The following KLK13 variants were observed in gnomAD, a reference collection of about 807,000 sequenced individuals.
KLK13 encodes kallikrein-13.
Under a neutral mutation model 22.4 loss-of-function variants are expected in KLK13, and 19 were observed. The ratio of observed to expected loss-of-function variants is 0.85; its 90% confidence interval spans 0.59 to 1.24. The LOEUF is 1.24. Among genes scored for constraint, KLK13 ranks in the 50% most tolerant of loss-of-function variants. The probability of loss-of-function intolerance (pLI) is 0.00; values close to 1 mark genes in which losing one functional copy is unlikely to be tolerated. For missense variants in KLK13, 311 were observed against 347.9 expected (o/e 0.89, Z 0.84); for synonymous variants, 156 against 141.8 (o/e 1.10, Z -0.71).
chr19:51,056,521 A>G lies in KLK13; in HGVS notation c.*66T>C. 1 of 1,482,334 alleles carries G rather than the reference A, an allele frequency of 6.7e-7. No individual in the cohort carries two copies. The highest frequency in any genetic ancestry group is 9.3e-7 in the Non-Finnish European group (1 of 1,069,770). 91.8% of individuals were successfully genotyped at this position (1,482,334 alleles called of 1,614,324 possible). On this transcript the variant is annotated 3_prime_UTR_variant, in exon 5 of 5. Transcript: ENST00000595793. ...GGAACACTGGGAATAAGGAGCAGAGAAGGGCTAAGCAGACCATGTGAGGAA... is the reference window on the plus strand; with the variant it reads ...GGAACACTGGGAATAAGGAGCAGAGGAGGGCTAAGCAGACCATGTGAGGAA...
upstream of KLK13, chr19:51,065,098 GGGC>G: frequency 7.0e-7 from 1 of 1,424,080 alleles, no homozygotes. Context: ...AGGGCAGGGC[GGGC>G]GGGGCCTGAG....
rs146501590 is a variant in KLK13 at position 51,060,043 on chromosome 19, C to G, written c.290G>C (p.Gly97Ala). 1.3e-3 allele frequency: 2,102 copies of G among 1,613,806 alleles called. 27 individuals carry two copies. The African/African-American group carries it at 0.025, about 19-fold the overall frequency. ...GKHALGRVEA[G>A]EQVREVVHSI... ...GTGGACAACTTCCCTCACCTGCTCA[C>G]CAGCTTCCACACGCCCTAGGGCGTG... Residue 97 changes from glycine (G) to alanine (A), a missense_variant, in exon 3 of 5, where the codon GGT becomes GCT. Coordinates refer to ENST00000595793, the MANE Select transcript of KLK13 (RefSeq NM_015596.3).
intron 4 of KLK13, 105 bp downstream of exon 4, chr19:51,058,433 G>C: frequency 1.5e-6 from 2 of 1,342,882 alleles, no homozygotes; most frequent in South Asian, 2.6e-5. Context: ...ATCTTATAAA[G>C]ATTGGTTCCC....
At chr19:51,064,899 G>A in intron 1 of KLK13, 117 bp downstream of exon 1, 1 of 817,718 alleles carries the variant, frequency 1.2e-6, no homozygotes, top group Non-Finnish European at 1.9e-6. Context: ...CACTGGACCC[G>A]GCCCCGAGTG....
intron 4 of KLK13, among the ~76,000 whole-genome samples, chr19:51,057,485 A>G (rs2091686528): frequency 4.0e-5 from 6 of 151,850 alleles, no homozygotes; most frequent in Admixed American, 3.3e-4. Context: ...TTTTTGTTTT[A>G]GAGACAGGGC....
In KLK13 at chr19:51,059,838, G is replaced by C; in HGVS notation, c.495C>G (p.Thr165=). 1.2e-6 allele frequency: 2 copies of C among 1,602,290 alleles called. No homozygotes were observed. The highest frequency in any genetic ancestry group is 2.2e-5 in the South Asian group (2 of 89,258). ...GTGGGTGCATACCCTGGGGGCTGGT[G>C]GTGGTGCCCCAGCCAGACACCCGAC... The part of the protein sequence containing the change: ...TTCRVSGWGT[T]TSPQVNYPKT... Residue 165 remains threonine, a synonymous_variant, in exon 3 of 5, where the codon ACC becomes ACG. Coordinates refer to ENST00000595793, the MANE Select transcript of KLK13 (RefSeq NM_015596.3).
In KLK13 at chr19:51,064,998, A is replaced by T; in HGVS notation, c.52+18T>A. The T allele has an allele frequency of 7.4e-7, 1 of 1,350,950 alleles. No homozygotes were observed. Among genetic ancestry groups the T allele is most frequent in the Non-Finnish European group, 9.8e-7 (1 of 1,023,918 alleles). The allele number at this position is 1,350,950 out of a possible 1,614,324, so 83.7% of individuals were successfully genotyped here. A position where few individuals can be genotyped will look rare whatever the true frequency, so the allele number is the denominator to read the frequency against. On this transcript the variant is annotated intron_variant, in intron 1 of 4. Coordinates refer to ENST00000595793, the MANE Select transcript of KLK13 (RefSeq NM_015596.3). ...TGTCCCGAATGGCCGCCGCGCCTCC[A>T]CCCCCGCGCATTCTTACCTCCTGAC...
chr19:51,065,161 A>G, upstream of KLK13: 1 of 849,266 alleles, frequency 1.2e-6, no homozygotes, highest in Non-Finnish European at 1.8e-6. Context: ...CCGCGTCTGA[A>G]ACCTCTCTGC....
chr19:51,060,360 A>G lies in KLK13; in HGVS notation c.239+73T>C. ...ACCCTAACTCCAACTCCATCCTCAA[A>G]TCCAACTCTACCCCATCCACAATCC... On this transcript the variant is annotated intron_variant, in intron 2 of 4. Transcript: ENST00000595793. 2.1e-6 allele frequency: 3 copies of G among 1,459,024 alleles called. No homozygotes were observed. The East Asian group carries it at 6.9e-5, about 34-fold the overall frequency. 90.4% of individuals were successfully genotyped at this position (1,459,024 alleles called of 1,614,324 possible). A position where few individuals can be genotyped will look rare whatever the true frequency, so the allele number is the denominator to read the frequency against.
In KLK13 at chr19:51,059,933, C is replaced by T; in HGVS notation, c.400G>A (p.Val134Ile). 1 of 1,611,590 alleles carries T rather than the reference C, an allele frequency of 6.2e-7. No homozygotes were observed. Among genetic ancestry groups the T allele is most frequent in the Non-Finnish European group, 8.5e-7 (1 of 1,178,734 alleles). ...GTTTGGATGTAGCCTGTGAGCTGGACCGGGGACTGCAGCTCCAGAAGCATG... is the reference window on the plus strand; with the variant it reads ...GTTTGGATGTAGCCTGTGAGCTGGATCGGGGACTGCAGCTCCAGAAGCATG... ...DIMLLELQSP[V>I]QLTGYIQTLP... Residue 134 changes from valine (V) to isoleucine (I), a missense_variant, in exon 3 of 5, where the codon GTC becomes ATC. Val to Ile is a conservative substitution (Grantham distance 29, BLOSUM62 3). Coordinates refer to ENST00000595793, the MANE Select transcript of KLK13 (RefSeq NM_015596.3).
At chr19:51,059,795 G>C (rs1230003747) in intron 3 of KLK13, 30 bp downstream of exon 3, 1 of 1,541,620 alleles carries the variant, frequency 6.5e-7, no homozygotes, top group Admixed American at 2.0e-5. Context: ...CACTCCTATG[G>C]GGCCTCAGGC....
At chr19:51,058,729 GA>G in intron 3 of KLK13, 55 bp from the exon 4 acceptor site, 3 of 1,584,244 alleles carry the variant, frequency 1.9e-6, no homozygotes, top group East Asian at 4.5e-5. Context: ...GATATGGGAT[GA>G]AGGTGAAATA....
At position 51,059,292 on chromosome 19, in the gene KLK13, A is replaced by G. The variant is rs181083636; in HGVS notation, c.508+533T>C. 6.8e-4 allele frequency among the ~76,000 whole-genome samples: 102 copies of G among 149,738 alleles called. 2 individuals carry two copies. The highest frequency in any genetic ancestry group is 2.5e-3 in the African/African-American group (101 of 40,970). ...TTTCATTAATAACCATATTTAATAT[A>G]TTAAACATTTTATAAATTATAGAAA... On this transcript the variant is annotated intron_variant, in intron 3 of 4. Transcript: ENST00000595793.
chr19:51,059,827 TG>T lies in KLK13; in HGVS notation c.505del (p.Gln169ArgfsTer2). On this transcript the variant is annotated frameshift_variant, in exon 3 of 5. Coordinates refer to ENST00000595793, the MANE Select transcript of KLK13 (RefSeq NM_015596.3). LOFTEE classifies it high-confidence loss of function. ...VSGWGTTTSPQVNYPKTLQCA... is the reference protein window; with the variant it reads ...VSGWGTTTSPXVNYPKTLQCA... Reference sequence around the variant, plus strand: ...AGGCCACCTGTGTGGGTGCATACCCTGGGGGCTGGTGGTGGTGCCCCAGCCA... The same window carrying T: ...AGGCCACCTGTGTGGGTGCATACCCTGGGGCTGGTGGTGGTGCCCCAGCCA... The T allele has an allele frequency of 1.2e-6, 2 of 1,600,036 alleles. No homozygotes were observed. Among genetic ancestry groups the T allele is most frequent in the Non-Finnish European group, 8.5e-7 (1 of 1,172,444 alleles).
rs578154421 is a variant in KLK13, at chr19:51,059,860, C to T, written c.473G>A (p.Arg158Gln). 56 of 1,603,800 alleles carry T rather than the reference C, an allele frequency of 3.5e-5. No homozygotes were observed. Among genetic ancestry groups the T allele is most frequent in the Admixed American group, 1.5e-4 (9 of 59,234 alleles). Residue 158 changes from arginine to glutamine, a missense_variant, in exon 3 of 5, where the codon CGG (arginine) becomes CAG (glutamine). Coordinates refer to ENST00000595793, the MANE Select transcript of KLK13 (RefSeq NM_015596.3). ...GGTGGTGGTGCCCCAGCCAGACACC[C>T]GACAGGTGGTGCCAGGGGTTAGGCG... ...NNRLTPGTTC[R>Q]VSGWGTTTSP...
At chr19:51,063,382 GA>G (rs35401468) in intron 1 of KLK13, among the ~76,000 whole-genome samples, 50,709 of 151,900 alleles carry the variant, frequency 0.33, 8,810 homozygotes, top group Middle Eastern at 0.4. Context: ...GAAAAAAGAA[GA>G]AAAAAAGCTA....
Position 51,059,809 on chromosome 19 carries a change from C to A in KLK13, c.508+16G>T. 6.4e-7 allele frequency: 1 copy of A among 1,572,370 alleles called. No homozygotes were observed. The highest frequency in any genetic ancestry group is 1.4e-5 in the African/African-American group (1 of 73,188). The stretch of plus-strand genomic sequence containing the variant: ...CCACTCCTATGGGGCCTCAGGCCAC[C>A]TGTGTGGGTGCATACCCTGGGGGCT... On this transcript the variant is annotated intron_variant, in intron 3 of 4. Coordinates refer to ENST00000595793, the MANE Select transcript of KLK13 (RefSeq NM_015596.3).
chr19:51,061,178 T>TATTC (rs1228364719), intron 1 of KLK13, among the ~76,000 whole-genome samples: 1 of 129,888 alleles, frequency 7.7e-6, no homozygotes, highest in Admixed American at 7.7e-5. Flanking sequence ...CTGGTCCATT[T>TATTC]ATTCATCCAT....
chr19:51,056,528 A>C lies in KLK13; in HGVS notation c.*59T>G, dbSNP rs964792949. The C allele has an allele frequency of 3.6e-5, 55 of 1,533,390 alleles. No homozygotes were observed. Among genetic ancestry groups the C allele is most frequent in the Non-Finnish European group, 4.9e-5 (54 of 1,112,112 alleles). 95.0% of individuals were successfully genotyped at this position (1,533,390 alleles called of 1,614,324 possible). A position where few individuals can be genotyped will look rare whatever the true frequency, so the allele number is the denominator to read the frequency against. On this transcript the variant is annotated 3_prime_UTR_variant, in exon 5 of 5. Transcript: ENST00000595793. ...TGGGAATAAGGAGCAGAGAAGGGCT[A>C]AGCAGACCATGTGAGGAAGTCATGG... is the stretch of plus-strand genomic sequence containing the variant.
Sources: allele counts gnomAD v4.1 joint callset (sites outside exome capture counted in the v4.1 genomes callset), GRCh38; gene constraint gnomAD v4.1.1; transcripts MANE v1.5; gene names NCBI Gene and HGNC (gene_info 2026-07-23, HGNC 2026-07-21).